PCSK2: variants seen among roughly 807,000 people sequenced by gnomAD.
PCSK2 encodes the protein neuroendocrine convertase 2.
Under a neutral mutation model 69.7 loss-of-function variants are expected in PCSK2, and 14 were observed. That is an observed-to-expected ratio of 0.20 (90% CI 0.13 to 0.31). The LOEUF (loss-of-function observed/expected upper bound fraction) is 0.31, where lower values mean the gene tolerates loss of function less well. Among genes scored for constraint, PCSK2 ranks in the 10% least tolerant of loss-of-function variants. The pLI is 1.00. For synonymous variants in PCSK2, 307 were observed against 320.7 expected (o/e 0.96, Z 0.46); for missense variants, 544 against 842.5 (o/e 0.65, Z 4.39).
chr20:17,297,220 G>C (rs1393646174), intron 2 of PCSK2, among the ~76,000 whole-genome samples: 1 of 152,200 alleles, frequency 6.6e-6, no homozygotes, highest in Non-Finnish European at 1.5e-5. Flanking sequence ...AGGAAGCAGA[G>C]AGCGATACAG....
rs1012268100 is a variant in PCSK2 at position 17,479,671 on chromosome 20, C to A, written c.1431-1913C>A. Among the ~76,000 whole-genome samples the A allele has an allele frequency of 4.6e-5, 7 of 152,046 alleles. No homozygotes were observed. In the South Asian group the frequency reaches 1.5e-3, roughly 32 times the overall value. ...ATAATTACCCGGGCACAGTGGAGGG[C>A]GCCTGTAGTCCCAGCTACTCGAGAG... On this transcript the variant is annotated intron_variant, in intron 11 of 11. Transcript: ENST00000262545.
At chr20:17,278,046 T>C (rs1221776730) in intron 2 of PCSK2, among the ~76,000 whole-genome samples, 14 of 151,630 alleles carry the variant, frequency 9.2e-5, no homozygotes, top group Admixed American at 4.0e-4. Flanking sequence ...GTTAGAATGG[T>C]GATCATTAAA....
At chr20:17,283,790 G>A (rs958843244) in intron 2 of PCSK2, among the ~76,000 whole-genome samples, 6 of 152,134 alleles carry the variant, frequency 3.9e-5, no homozygotes, top group Non-Finnish European at 8.8e-5. Flanking sequence ...ATCACTTCAC[G>A]TTGCTTACCC....
chr20:17,411,241 G>A (rs919252769), intron 6 of PCSK2, among the ~76,000 whole-genome samples: 2 of 152,166 alleles, frequency 1.3e-5, no homozygotes, highest in African/African-American at 2.4e-5. Context: ...GTTGGACAGT[G>A]GGTGCAAGGG....
At chr20:17,337,269 C>A (rs903874054) in intron 2 of PCSK2, among the ~76,000 whole-genome samples, 1 of 152,200 alleles carries the variant, frequency 6.6e-6, no homozygotes, top group African/African-American at 2.4e-5. Context: ...CAGAGAGTGA[C>A]ACTTTTTCAT....
intron 2 of PCSK2, among the ~76,000 whole-genome samples, chr20:17,285,049 A>G (rs916307863): frequency 8.5e-5 from 13 of 152,192 alleles, no homozygotes; most frequent in African/African-American, 3.1e-4. Flanking sequence ...TGGGGATGCC[A>G]GTGGTCAGGA....
intron 1 of PCSK2, among the ~76,000 whole-genome samples, chr20:17,244,156 T>C (rs573326853): frequency 1.3e-5 from 2 of 152,328 alleles, no homozygotes; most frequent in East Asian, 1.9e-4. Context: ...TGTAGGAAAA[T>C]AATTTTTTAA....
At chr20:17,461,513 G>GT (rs2033013871) in intron 10 of PCSK2, among the ~76,000 whole-genome samples, 1 of 152,190 alleles carries the variant, frequency 6.6e-6, no homozygotes, top group Non-Finnish European at 1.5e-5. Flanking sequence ...GATCCAACAA[G>GT]TAAAGGGATT....
At chr20:17,479,365 T>C in intron 11 of PCSK2, 1 of 702,954 alleles carries the variant, frequency 1.4e-6, no homozygotes, top group South Asian at 1.5e-5. Flanking sequence ...GCACATTCTT[T>C]GACAATATTG....
chr20:17,392,824 T>A (rs180827459), intron 5 of PCSK2, among the ~76,000 whole-genome samples: 14 of 152,334 alleles, frequency 9.2e-5, no homozygotes, highest in South Asian at 6.2e-4. Flanking sequence ...TGTTTTCCAG[T>A]CTGGGAACAT....
chr20:17,363,292 T>C (rs2030465902), intron 4 of PCSK2, among the ~76,000 whole-genome samples: 1 of 152,200 alleles, frequency 6.6e-6, no homozygotes, highest in Non-Finnish European at 1.5e-5. Context: ...AGTGACTCAA[T>C]GGATGCTCAA....
Position 17,450,017 on chromosome 20 carries a change from C to CTTTTTTTTTTTTTTTTTTTT in PCSK2, c.886-3714_886-3695dup, listed in dbSNP as rs61156656. 9.1e-4 allele frequency among the ~76,000 whole-genome samples: 56 copies of CTTTTTTTTTTTTTTTTTTTT among 61,834 alleles called. 6 individuals carry two copies. The highest frequency in any genetic ancestry group is 1.1e-3 in the Non-Finnish European group (40 of 34,974). The allele number at this position is 61,834 out of a possible 152,430, so 40.6% of individuals were successfully genotyped here. Reference sequence around the variant, plus strand: ...TTTTTAAGTTTGTTGAATTTCTTCCCTTTTTTTTTTTTTTTTTTTTTTTTT... The same window carrying CTTTTTTTTTTTTTTTTTTTT: ...TTTTTAAGTTTGTTGAATTTCTTCCCTTTTTTTTTTTTTTTTTTTTTTTTTTTTTTTTTTTTTTTTTTTTT... On this transcript the variant is annotated intron_variant, in intron 8 of 11. Coordinates refer to ENST00000262545, the MANE Select transcript of PCSK2 (RefSeq NM_002594.5).
At chr20:17,259,141 C>A (rs1216223535) in intron 1 of PCSK2, among the ~76,000 whole-genome samples, 1 of 152,120 alleles carries the variant, frequency 6.6e-6, no homozygotes, top group Non-Finnish European at 1.5e-5. Context: ...CTTCCCTTTT[C>A]TTCCAAACAC....
intron 2 of PCSK2, among the ~76,000 whole-genome samples, chr20:17,310,581 A>G (rs1237569513): frequency 3.3e-5 from 5 of 151,756 alleles, no homozygotes; most frequent in Admixed American, 2.6e-4. Context: ...ATTGAAATAT[A>G]AGTCTTAAAA....
chr20:17,325,260 A>G (rs1213547616), intron 2 of PCSK2, among the ~76,000 whole-genome samples: 2 of 152,156 alleles, frequency 1.3e-5, no homozygotes, highest in Admixed American at 6.5e-5. Context: ...TTAGGTACCA[A>G]ATAAATAGCT....
chr20:17,227,589 A>T, intron 1 of PCSK2, 107 bp downstream of exon 1: 1 of 792,684 alleles, frequency 1.3e-6, no homozygotes, highest in Non-Finnish European at 2.1e-6. Context: ...TTCTCATGCG[A>T]TGCAGATATT....
chr20:17,392,037 G>C (rs1208330553), intron 5 of PCSK2, among the ~76,000 whole-genome samples: 2 of 152,076 alleles, frequency 1.3e-5, no homozygotes, highest in Non-Finnish European at 2.9e-5. Flanking sequence ...TCCTGTCAAG[G>C]AGTCCCAAAT....
intron 7 of PCSK2, among the ~76,000 whole-genome samples, chr20:17,434,589 C>A (rs1054558384): frequency 6.6e-6 from 1 of 152,126 alleles, no homozygotes. Flanking sequence ...ACAGAGGGAG[C>A]CCATGAAGGT....
chr20:17,388,817 G>T (rs187732615), intron 5 of PCSK2, among the ~76,000 whole-genome samples: 281 of 152,182 alleles, frequency 1.8e-3, no homozygotes, highest in Non-Finnish European at 2.0e-3. Flanking sequence ...CGGATTTTTC[G>T]CACATCATGG....
Sources: gnomAD v4.1 joint callset for allele counts (sites outside exome capture counted in the v4.1 genomes callset) on GRCh38, gnomAD v4.1.1 for gene constraint, MANE v1.5 for transcripts, NCBI Gene and HGNC (gene_info 2026-07-23, HGNC 2026-07-21) for gene names.